Variants in DDX51 observed in about 807,000 individuals in gnomAD.
DDX51 encodes DEAD-box helicase 51.
Under a neutral mutation model 74.6 loss-of-function variants are expected in DDX51, and 67 were observed. That is an observed-to-expected ratio of 0.90 (90% confidence interval 0.74 to 1.10). The LOEUF (loss-of-function observed/expected upper bound fraction) is 1.10. Among genes scored for constraint, DDX51 ranks in the 50% least tolerant of loss-of-function variants. The pLI is 0.00. For synonymous variants in DDX51, 545 were observed against 402.9 expected (o/e 1.35, Z -4.22); for missense variants, 1,056 against 905.2 (o/e 1.17, Z -2.14).
intron 2 of DDX51, chr12:132,143,238 C>A (rs887555391): frequency 4.2e-5 from 17 of 404,018 alleles, no homozygotes; most frequent in Admixed American, 1.7e-4. Flanking sequence ...GTCTTTGCAT[C>A]CCAACTCAAA....
chr12:132,141,021 C>A lies in DDX51; in HGVS notation c.1251-1G>T. ...CAGGGGCATCTGGGGACAGCAGGTGCTGGAAGAGAAGGGGGTGTTGCTGGC... is the reference window on the plus strand; with the variant it reads ...CAGGGGCATCTGGGGACAGCAGGTGATGGAAGAGAAGGGGGTGTTGCTGGC... On this transcript the variant is annotated splice_acceptor_variant, in intron 8 of 14. Transcript: ENST00000397333. LOFTEE classifies it high-confidence loss of function. 1 of 1,588,230 alleles carries A rather than the reference C, an allele frequency of 6.3e-7. No individual in the cohort carries two copies. Among genetic ancestry groups the A allele is most frequent in the Non-Finnish European group, 8.5e-7 (1 of 1,170,298 alleles).
chr12:132,141,436 A>C lies in DDX51; in HGVS notation c.1105-16T>G. On this transcript the variant is annotated splice_polypyrimidine_tract_variant and intron_variant, in intron 7 of 14. Coordinates refer to ENST00000397333, the MANE Select transcript of DDX51 (RefSeq NM_175066.4). ...CGTCGATAATCTGCAGGAGACAGGG[A>C]GCCCGGGACTGGGTGGCGCGGCCCT... 1.3e-6 allele frequency: 2 copies of C among 1,585,744 alleles called. No individual in the cohort carries two copies. The highest frequency in any genetic ancestry group is 1.7e-6 in the Non-Finnish European group (2 of 1,170,158).
At position 132,144,303 on chromosome 12, in the gene DDX51, C is replaced by G. The variant is rs748569231; in HGVS notation, c.-7G>C. The stretch of plus-strand genomic sequence containing the variant: ...CGACGTAGAACAGCGCCATGGCCAG[C>G]CGCACGCCTGGGACTCGGGCGTGGC... On this transcript the variant is annotated 5_prime_UTR_variant, in exon 1 of 15. Coordinates refer to ENST00000397333, the MANE Select transcript of DDX51 (RefSeq NM_175066.4). The G allele has an allele frequency of 4.6e-5, 61 of 1,335,662 alleles. No individual in the cohort carries two copies. The highest frequency in any genetic ancestry group is 4.7e-5 in the Non-Finnish European group (49 of 1,047,122). The allele number at this position is 1,335,662 out of a possible 1,614,324, so 82.7% of individuals were successfully genotyped here.
rs562090113 is a variant in DDX51 at position 132,139,459 on chromosome 12, A to C, written c.1975-161T>G. 2.2e-4 allele frequency: 333 copies of C among 1,522,382 alleles called. 3 individuals carry two copies. In the South Asian group the frequency reaches 3.5e-3, roughly 16 times the overall value. The allele number at this position is 1,522,382 out of a possible 1,614,324, so 94.3% of individuals were successfully genotyped here. On this transcript the variant is annotated intron_variant, in intron 14 of 14. Coordinates refer to ENST00000397333, the MANE Select transcript of DDX51 (RefSeq NM_175066.4). ...GCCCTCCCTGGTGCCACGTGTTTCC[A>C]CCACTGGTGCCCAGGGGCTCCCCGC...
At position 132,143,877 on chromosome 12, in the gene DDX51, C is replaced by T. The variant is rs917924672; in HGVS notation, c.337G>A (p.Ala113Thr). 2.6e-6 allele frequency: 4 copies of T among 1,526,768 alleles called. No homozygotes were observed. The highest frequency in any genetic ancestry group is 1.2e-5 in the South Asian group (1 of 83,370). The allele number at this position is 1,526,768 out of a possible 1,614,324, so 94.6% of individuals were successfully genotyped here. A position where few individuals can be genotyped will look rare whatever the true frequency, so the allele number is the denominator to read the frequency against. The stretch of plus-strand genomic sequence containing the variant: ...CCTGGCGCCTCCTCGCTGCTCCCTG[C>T]GCTGGGCTCCCCTGGCGCCTCCTCG... ...SNEEAPGEPS[A>T]GSSEEAPGEP... The change falls in exon 2 of 15, where the codon GCA becomes ACA. Residue 113 changes from alanine (A) to threonine (T), a missense_variant. Transcript: ENST00000397333.
chr12:132,141,039 T>C lies in DDX51; in HGVS notation c.1251-19A>G, dbSNP rs1340437359. On this transcript the variant is annotated intron_variant, in intron 8 of 14. Coordinates refer to ENST00000397333, the MANE Select transcript of DDX51 (RefSeq NM_175066.4). ...GCAGGTGCTGGAAGAGAAGGGGGTG[T>C]TGCTGGCACCCTACCAGTGGCTGCC... The C allele has an allele frequency of 2.5e-6, 4 of 1,578,532 alleles. No homozygotes were observed. The African/African-American group carries it at 4.1e-5, about 16-fold the overall frequency.
chr12:132,141,855 C>G lies in DDX51; in HGVS notation c.990G>C (p.Gln330His). The G allele has an allele frequency of 6.2e-7, 1 of 1,613,096 alleles. No individual in the cohort carries two copies. The highest frequency in any genetic ancestry group is 8.5e-7 in the Non-Finnish European group (1 of 1,179,962). ...CGCACCCTGACACAACCTACGTTTT[C>G]TGGACGAGGCTCTCCTGCTCCTTGG... ...SLAKEQESLV[Q>H]KTADGYRCLA... The change falls in exon 6 of 15, where the codon CAG (glutamine) becomes CAC (histidine). Residue 330 changes from glutamine to histidine, a missense_variant. Gln to His is a conservative substitution (Grantham distance 24). Transcript: ENST00000397333.
Position 132,141,957 on chromosome 12 carries a change from C to T in DDX51, c.889-1G>A. 6.2e-7 allele frequency: 1 copy of T among 1,612,450 alleles called. No individual in the cohort carries two copies. The highest frequency in any genetic ancestry group is 8.5e-7 in the Non-Finnish European group (1 of 1,179,744). On this transcript the variant is annotated splice_acceptor_variant, in intron 5 of 14. Coordinates refer to ENST00000397333, the MANE Select transcript of DDX51 (RefSeq NM_175066.4). LOFTEE classifies it high-confidence loss of function. ...TGTAGATGTTGAAAACTTTGCTCAC[C>T]TGCAGGAGAAGTCTGTCACTGGCCT...
rs767764675 is a variant in DDX51, at chr12:132,139,289, T to G, written c.1984A>C (p.Lys662Gln). 4 of 1,608,804 alleles carry G rather than the reference T, an allele frequency of 2.5e-6. No individual in the cohort carries two copies. Residue 662 changes from lysine (K) to glutamine (Q), a missense_variant, in exon 15 of 15, where the codon AAG becomes CAG. Physicochemically the swap from Lys to Gln is moderately conservative, Grantham distance 53. Transcript: ENST00000397333. ...GCCCCAGCCTAGGCCGCCCTCTGCTTGCGCTCTTCCTGTGGAGGAAAGGGG... is the reference window on the plus strand; with the variant it reads ...GCCCCAGCCTAGGCCGCCCTCTGCTGGCGCTCTTCCTGTGGAGGAAAGGGG... Reference protein sequence around the residue: ...QLEESVKEERKQRAA With the variant: ...QLEESVKEERQQRAA
chr12:132,139,152 G>T lies in DDX51; in HGVS notation c.*120C>A. ...GGCGCAGAGACCACGTGCTTGGGGA[G>T]GAAGGCTGTGTCCACTGGGGGATTC... On this transcript the variant is annotated 3_prime_UTR_variant, in exon 15 of 15. Transcript: ENST00000397333. 6.9e-7 allele frequency: 1 copy of T among 1,441,194 alleles called. No homozygotes were observed. Among genetic ancestry groups the T allele is most frequent in the Non-Finnish European group, 9.4e-7 (1 of 1,067,044 alleles). 89.3% of individuals were successfully genotyped at this position (1,441,194 alleles called of 1,614,324 possible).
At chr12:132,141,154 T>A (rs2136675920) in intron 8 of DDX51, 121 bp downstream of exon 8, 1 of 1,491,590 alleles carries the variant, frequency 6.7e-7, no homozygotes, top group Non-Finnish European at 8.9e-7. Flanking sequence ...CACGTGACAG[T>A]ACGATGCGGT....
Position 132,140,959 on chromosome 12 carries a change from G to C in DDX51, c.1312C>G (p.Pro438Ala), listed in dbSNP as rs1401257964. The change falls in exon 9 of 15, where the codon CCT becomes GCT. Residue 438 changes from proline to alanine, a missense_variant. Pro to Ala is a conservative substitution (Grantham distance 27, BLOSUM62 -1). Coordinates refer to ENST00000397333, the MANE Select transcript of DDX51 (RefSeq NM_175066.4). ...LLFSATLTQN[P>A]EKLQQLGLHQ... The stretch of plus-strand genomic sequence containing the variant: ...AGGCCCAGCTGCTGCAGCTTTTCAG[G>C]GTTCTGGGTCAGAGTAGCTGAGAAG... The C allele has an allele frequency of 1.2e-6, 2 of 1,613,142 alleles. No individual in the cohort carries two copies. Among genetic ancestry groups the C allele is most frequent in the Admixed American group, 3.3e-5 (2 of 59,970 alleles).
intron 13 of DDX51, 25 bp from the exon 14 acceptor site, chr12:132,139,794 G>A (rs779890164): frequency 4.5e-5 from 72 of 1,612,810 alleles, no homozygotes; most frequent in Non-Finnish European, 5.6e-5. Flanking sequence ...ATGGTGGAAG[G>A]GGGTTCTTGG....
Position 132,141,930 on chromosome 12 carries a change from T to C in DDX51, c.915A>G (p.Thr305=), listed in dbSNP as rs1295812925. The C allele has an allele frequency of 7.4e-6, 12 of 1,613,184 alleles. No individual in the cohort carries two copies. Among genetic ancestry groups the C allele is most frequent in the Non-Finnish European group, 1.0e-5 (12 of 1,179,986 alleles). The change falls in exon 6 of 15, where the codon ACA becomes ACG. Residue 305 remains threonine (T), a synonymous_variant. Coordinates refer to ENST00000397333, the MANE Select transcript of DDX51 (RefSeq NM_175066.4). ...GGGAGACTCTCAGAGGTGTGGCATCTGTGTAGATGTTGAAAACTTTGCTCA... is the reference window on the plus strand; with the variant it reads ...GGGAGACTCTCAGAGGTGTGGCATCCGTGTAGATGTTGAAAACTTTGCTCA... The part of the protein sequence containing the change: ...QQVSKVFNIY[T]DATPLRVSLV...
Position 132,142,330 on chromosome 12 carries a change from A to T in DDX51, c.763T>A (p.Ser255Thr). ...GTCTTCCCACTGCCTGTTGGGGCAG[A>T]AACACAGAGGTCGCTAGGCCGGTAG... ...GGYRPSDLCV[S>T]APTGSGKTLA... The change falls in exon 4 of 15, where the codon TCT becomes ACT. Residue 255 changes from serine (S) to threonine (T), a missense_variant. Transcript: ENST00000397333. 1 of 1,613,164 alleles carries T rather than the reference A, an allele frequency of 6.2e-7. No homozygotes were observed.
rs1897539231 is a variant in DDX51 at position 132,143,074 on chromosome 12, C to T, written c.520-196G>A. ...GCAGATGCCACTCCCTGAGCAAACT[C>T]ACTCTGTAGCCTCCCATCAACCCAC... On this transcript the variant is annotated intron_variant, in intron 2 of 14. Coordinates refer to ENST00000397333, the MANE Select transcript of DDX51 (RefSeq NM_175066.4). The T allele has an allele frequency of 1.7e-5, 11 of 660,248 alleles. No individual in the cohort carries two copies. In the Admixed American group the frequency reaches 2.6e-4, roughly 16 times the overall value. 40.9% of individuals were successfully genotyped at this position (660,248 alleles called of 1,614,324 possible). A position where few individuals can be genotyped will look rare whatever the true frequency, so the allele number is the denominator to read the frequency against.
intron 9 of DDX51, 30 bp from the exon 10 acceptor site, chr12:132,140,765 G>A (rs374520857): frequency 1.2e-4 from 194 of 1,612,908 alleles, no homozygotes; most frequent in Non-Finnish European, 3.2e-5. Flanking sequence ...TCGGGGTGGA[G>A]GTGAGGGTTG....
chr12:132,140,693 C>A lies in DDX51; in HGVS notation c.1483G>T (p.Val495Phe). 6.2e-7 allele frequency: 1 copy of A among 1,613,050 alleles called. No individual in the cohort carries two copies. The highest frequency in any genetic ancestry group is 8.5e-7 in the Non-Finnish European group (1 of 1,180,012). The change falls in exon 10 of 15, where the codon GTC becomes TTC. Residue 495 changes from valine to phenylalanine, a missense_variant. By Grantham distance (50) the Val-to-Phe change is conservative. Transcript: ENST00000397333. ...CCCATCTCCAGGACCAGGTGCAGGA[C>A]GACCAGCGGCTTAGAGCTGAGGCTG... Reference protein sequence around the residue: ...PCSLSSKPLVVLHLVLEMGFS... With the variant: ...PCSLSSKPLVFLHLVLEMGFS...
rs766566787 is a variant in DDX51, at chr12:132,142,321, T to C, written c.772A>G (p.Thr258Ala). 7 of 1,613,148 alleles carry C rather than the reference T, an allele frequency of 4.3e-6. No individual in the cohort carries two copies. The highest frequency in any genetic ancestry group is 5.9e-6 in the Non-Finnish European group (7 of 1,180,004). The change falls in exon 4 of 15, where the codon ACA becomes GCA. Residue 258 changes from threonine to alanine, a missense_variant. Thr to Ala is a moderately conservative substitution (Grantham distance 58). Transcript: ENST00000397333. Reference sequence around the variant, plus strand: ...AAGGCCAGTGTCTTCCCACTGCCTGTTGGGGCAGAAACACAGAGGTCGCTA... The same window carrying C: ...AAGGCCAGTGTCTTCCCACTGCCTGCTGGGGCAGAAACACAGAGGTCGCTA... ...RPSDLCVSAP[T>A]GSGKTLAFVI...
Sources: gnomAD v4.1 joint callset for allele counts on GRCh38, gnomAD v4.1.1 for gene constraint, MANE v1.5 for transcripts, NCBI Gene and HGNC (gene_info 2026-07-23, HGNC 2026-07-21) for gene names.